The following XKR6 variants were observed in gnomAD, a reference collection of about 807,000 sequenced individuals.
XKR6 encodes XK related 6.
In XKR6, 22 loss-of-function variants were observed where a neutral mutation model predicts 56.7. That is an observed-to-expected ratio of 0.39 (90% confidence interval 0.28 to 0.55). XKR6 has a LOEUF of 0.55. Ranked by LOEUF, XKR6 falls within the 20% of genes least tolerant of loss-of-function variation. The pLI, the probability that XKR6 is intolerant of heterozygous loss-of-function variation, is 0.66. For synonymous variants in XKR6, 524 were observed against 387.8 expected, an observed-to-expected ratio of 1.35 and a Z score of -4.13; for missense variants, 852 against 889.0, an observed-to-expected ratio of 0.96 and a Z score of 0.53.
At chr8:10,926,620 G>C (rs1274610736) in intron 1 of XKR6, among the ~76,000 whole-genome samples, 1 of 152,390 alleles carries the variant, frequency 6.6e-6, no homozygotes, top group Non-Finnish European at 1.5e-5. Context: ...CCCAGGCCAG[G>C]TCCTTCCAGG....
chr8:11,006,947 G>A (rs143391500), intron 1 of XKR6, among the ~76,000 whole-genome samples: 2 of 152,190 alleles, frequency 1.3e-5, no homozygotes, highest in Non-Finnish European at 2.9e-5. Flanking sequence ...AAGTCAAGCA[G>A]TTCATCCTGT....
At chr8:10,914,310 A>G (rs1379425936) in intron 2 of XKR6, among the ~76,000 whole-genome samples, 1 of 152,156 alleles carries the variant, frequency 6.6e-6, no homozygotes, top group Admixed American at 6.5e-5. Flanking sequence ...TACAGTATAT[A>G]CTGGGGATGA....
chr8:11,035,098 G>A (rs941862786), intron 1 of XKR6: 5 of 447,668 alleles, frequency 1.1e-5, no homozygotes, highest in South Asian at 1.7e-5. Flanking sequence ...TGTAAAATGG[G>A]GATGATGATA....
intron 1 of XKR6, among the ~76,000 whole-genome samples, chr8:11,005,522 T>C (rs537687172): frequency 2.0e-5 from 3 of 152,314 alleles, no homozygotes; most frequent in African/African-American, 7.2e-5. Context: ...ATGTACTCAA[T>C]GCCACTGAAC....
At chr8:11,099,658 C>T (rs371415971) in intron 1 of XKR6, among the ~76,000 whole-genome samples, 1 of 152,362 alleles carries the variant, frequency 6.6e-6, no homozygotes, top group South Asian at 2.1e-4. Flanking sequence ...TTCACTCGCT[C>T]AAATATTATA....
At chr8:11,133,099 T>C (rs77851856) in intron 1 of XKR6, among the ~76,000 whole-genome samples, 3,671 of 152,252 alleles carry the variant, frequency 0.024, 178 homozygotes, top group African/African-American at 0.085. Flanking sequence ...TATATGAATA[T>C]AGTTGGCTTT....
chr8:11,153,303 A>T (rs1801351852), intron 1 of XKR6, among the ~76,000 whole-genome samples: 1 of 152,216 alleles, frequency 6.6e-6, no homozygotes, highest in Non-Finnish European at 1.5e-5. Context: ...CTCTGTTAGA[A>T]GTGAGGAAAT....
At chr8:11,093,061 C>CT (rs1278419464) in intron 1 of XKR6, among the ~76,000 whole-genome samples, 8 of 151,166 alleles carry the variant, frequency 5.3e-5, no homozygotes, top group African/African-American at 1.7e-4. Flanking sequence ...TTTTTCTTTT[C>CT]TTTCTTTCTT....
intron 1 of XKR6, among the ~76,000 whole-genome samples, chr8:11,008,376 C>G (rs1378631610): frequency 2.0e-5 from 3 of 150,864 alleles, no homozygotes; most frequent in Admixed American, 1.3e-4. Context: ...TTGTTCCCCT[C>G]TTCCTCAGGC....
chr8:11,022,000 C>A (rs1047687706), intron 1 of XKR6, among the ~76,000 whole-genome samples: 1 of 151,668 alleles, frequency 6.6e-6, no homozygotes, highest in Non-Finnish European at 1.5e-5. Flanking sequence ...GAGCACTGGA[C>A]TGCACACTGC....
intron 1 of XKR6, among the ~76,000 whole-genome samples, chr8:11,184,659 T>C (rs1803172551): frequency 6.6e-6 from 1 of 152,170 alleles, no homozygotes; most frequent in African/African-American, 2.4e-5. Flanking sequence ...ATTTAAGTCA[T>C]ATTTAGATAT....
intron 1 of XKR6, among the ~76,000 whole-genome samples, chr8:10,944,674 C>T (rs1801481976): frequency 6.6e-6 from 1 of 152,232 alleles, no homozygotes; most frequent in Non-Finnish European, 1.5e-5. Flanking sequence ...GAACCTTCCA[C>T]AGCCTGGCTG....
chr8:11,031,448 G>A (rs1389611366), intron 1 of XKR6, among the ~76,000 whole-genome samples: 1 of 152,224 alleles, frequency 6.6e-6, no homozygotes, highest in African/African-American at 2.4e-5. Flanking sequence ...GCAAAGACAA[G>A]TGTAGCCCAC....
intron 1 of XKR6, among the ~76,000 whole-genome samples, chr8:11,076,365 T>C (rs1037774260): frequency 6.6e-5 from 10 of 152,138 alleles, no homozygotes; most frequent in Non-Finnish European, 1.2e-4. Flanking sequence ...TTGGTTAGGA[T>C]TGTAGATTTT....
chr8:11,200,176 C>T lies in XKR6; in HGVS notation c.764+400G>A, dbSNP rs1804127264. Among the ~76,000 whole-genome samples the T allele has an allele frequency of 6.6e-6, 1 of 152,138 alleles. No individual in the cohort carries two copies. Among genetic ancestry groups the T allele is most frequent in the African/African-American group, 2.4e-5 (1 of 41,444 alleles). ...AGGATGTCTCACCTGGGAACAAACC[C>T]GAATGCAGCGGCTGGAGGAGGGAAG... On this transcript the variant is annotated intron_variant, in intron 1 of 2. Coordinates refer to ENST00000416569, the MANE Select transcript of XKR6 (RefSeq NM_173683.4). This position sits in a 1 kb window ranked among gnomAD's most constrained non-coding sequence, Gnocchi z 6.4.
chr8:11,176,021 A>G (rs1383243848), intron 1 of XKR6, among the ~76,000 whole-genome samples: 1 of 152,206 alleles, frequency 6.6e-6, no homozygotes, highest in Non-Finnish European at 1.5e-5. Context: ...ATCAGCTGCA[A>G]TATACACTAC....
Position 11,201,114 on chromosome 8 carries a change from A to C in XKR6, c.226T>G (p.Ser76Ala). The C allele has an allele frequency of 2.8e-6, 4 of 1,428,732 alleles. No individual in the cohort carries two copies. The highest frequency in any genetic ancestry group is 1.5e-5 in the African/African-American group (1 of 66,414). 88.5% of individuals were successfully genotyped at this position (1,428,732 alleles called of 1,614,324 possible). A position where few individuals can be genotyped will look rare whatever the true frequency, so the allele number is the denominator to read the frequency against. Residue 76 changes from serine (S) to alanine (A), a missense_variant, in exon 1 of 3, where the codon TCC becomes GCC. By Grantham distance (99) the Ser-to-Ala change is moderately conservative (BLOSUM62 1). Around this residue, in one of 4 missense-constraint regions of XKR6, gnomAD observed 417 missense variants for 355.2 expected, o/e 1.17. Transcript: ENST00000416569. Reference protein sequence around the residue: ...YWGCRSACLRSLLGRKPRRSA... With the variant: ...YWGCRSACLRALLGRKPRRSA... The stretch of plus-strand genomic sequence containing the variant: ...CGGCGCGGCTTCCTGCCCAGGAGGG[A>C]GCGCAGGCAGGCGGAGCGGCAGCCC...
intron 1 of XKR6, among the ~76,000 whole-genome samples, chr8:11,141,257 T>A (rs1394842392): frequency 6.6e-6 from 1 of 152,170 alleles, no homozygotes; most frequent in Admixed American, 6.5e-5. Flanking sequence ...TAGTCTATCA[T>A]CACGTGTTAT....
chr8:11,189,423 C>T (rs1310876729), intron 1 of XKR6, among the ~76,000 whole-genome samples: 1 of 152,166 alleles, frequency 6.6e-6, no homozygotes, highest in Non-Finnish European at 1.5e-5. Context: ...TAAATCCAGG[C>T]ATAATATATG....
Sources: gnomAD v4.1 joint callset for allele counts (sites outside exome capture counted in the v4.1 genomes callset) on GRCh38, gnomAD v4.1.1 for gene constraint, gnomAD v4.1.1 regional missense constraint, Gnocchi (gnomAD v3.1) non-coding constraint, MANE v1.5 for transcripts, NCBI Gene and HGNC (gene_info 2026-07-23, HGNC 2026-07-21) for gene names.